Variants in FBN1 observed in about 807,000 individuals in gnomAD.
FBN1 encodes the protein fibrillin-1.
A neutral mutation model predicts 365.1 loss-of-function variants in FBN1; 29 were observed. The ratio of observed to expected loss-of-function variants is 0.08; its 90% CI spans 0.06 to 0.11. FBN1 has a LOEUF of 0.11. Ranked by LOEUF, FBN1 falls within the 10% of genes least tolerant of loss-of-function variation. The pLI is 1.00. For missense variants in FBN1, 2,476 were observed against 3,703.2 expected, an observed-to-expected ratio of 0.67 and a Z score of 8.60; for synonymous variants, 1,210 against 1,270.5, an observed-to-expected ratio of 0.95 and a Z score of 1.01.
At chr15:48,522,237 C>A (rs1240738266) in intron 9 of FBN1, among the ~76,000 whole-genome samples, 1 of 152,050 alleles carries the variant, frequency 6.6e-6, no homozygotes, top group South Asian at 2.1e-4. Context: ...TACTTCATTA[C>A]ATATTACAAT....
rs771873118 is a variant in FBN1 at position 48,411,173 on chromosome 15, C to T, written c.8433G>A (p.Gly2811=). Residue 2811 remains glycine, a synonymous_variant, in exon 66 of 66, where the codon GGG becomes GGA. Coordinates refer to ENST00000316623, the MANE Select transcript of FBN1 (RefSeq NM_000138.5). The part of the protein sequence containing the change: ...DGFFKINQKE[G]ISYLHFTKKK... ...TCTTTGTGAAGTGGAGGTAGCTGAT[C>T]CCTTCCTTTTGGTTGATTTTAAAGA... The T allele has an allele frequency of 1.5e-5, 25 of 1,613,962 alleles. No homozygotes were observed. The highest frequency in any genetic ancestry group is 1.9e-5 in the Non-Finnish European group (23 of 1,180,010).
intron 4 of FBN1, among the ~76,000 whole-genome samples, chr15:48,609,635 C>T (rs1259343041): frequency 6.6e-6 from 1 of 152,228 alleles, no homozygotes; most frequent in Non-Finnish European, 1.5e-5. Context: ...CACTCTCCAT[C>T]TGTTGTTGGT....
chr15:48,436,927 G>A (rs1424750596), intron 53 of FBN1, 34 bp downstream of exon 53: 7 of 1,308,382 alleles, frequency 5.4e-6, no homozygotes, highest in Non-Finnish European at 6.7e-6. Context: ...TTTTTAATTT[G>A]TAAAGTTCCT....
intron 2 of FBN1, among the ~76,000 whole-genome samples, chr15:48,636,181 A>G (rs75267636): frequency 0.076 from 11,516 of 152,174 alleles, 490 homozygotes; most frequent in East Asian, 0.17. Flanking sequence ...ATTCCAGGCT[A>G]AGTTTGAAGA....
rs1028661206 is a variant in FBN1, at chr15:48,464,137, G to C, written c.4943-116C>G. On this transcript the variant is annotated intron_variant, in intron 40 of 65. Transcript: ENST00000316623. ...AAATCTATAGGGTATTTTCAAATAA[G>C]ATAACGAAAATAGGTATTTCATTCA... is the stretch of plus-strand genomic sequence containing the variant. 10 of 993,056 alleles carry C rather than the reference G, an allele frequency of 1.0e-5. No homozygotes were observed. In the Admixed American group the frequency reaches 2.0e-4, roughly 19 times the overall value. The allele number at this position is 993,056 out of a possible 1,614,324, so 61.5% of individuals were successfully genotyped here. A position where few individuals can be genotyped will look rare whatever the true frequency, so the allele number is the denominator to read the frequency against.
In FBN1 at chr15:48,411,104, A is replaced by G. The variant is rs363847; in HGVS notation, c.8502T>C (p.Thr2834=). The part of the protein sequence containing the change: ...AGTYSLQISS[T]PLYKKKELNQ... ...TAAGTTCTTTCTTTTTATAAAGTGGAGTACTACTGATTTGTAATGAATAGG... is the reference window on the plus strand; with the variant it reads ...TAAGTTCTTTCTTTTTATAAAGTGGGGTACTACTGATTTGTAATGAATAGG... The change falls in exon 66 of 66, where the codon ACT becomes ACC. Residue 2834 remains threonine, a synonymous_variant. Coordinates refer to ENST00000316623, the MANE Select transcript of FBN1 (RefSeq NM_000138.5). The G allele has an allele frequency of 2.2e-3, 3,612 of 1,614,062 alleles. 9 individuals are homozygous for G. The highest frequency in any genetic ancestry group is 2.8e-3 in the Non-Finnish European group (3,291 of 1,179,992).
At chr15:48,521,328 T>C (rs1296038682) in intron 9 of FBN1, among the ~76,000 whole-genome samples, 1 of 152,230 alleles carries the variant, frequency 6.6e-6, no homozygotes, top group Non-Finnish European at 1.5e-5. Context: ...TTTGTTGTTG[T>C]TGTTGTTATT....
chr15:48,412,387 C>G (rs2042870533), intron 65 of FBN1, among the ~76,000 whole-genome samples, 182 bp downstream of exon 65: 1 of 152,164 alleles, frequency 6.6e-6, no homozygotes, highest in African/African-American at 2.4e-5. Context: ...TCCCGAAAAG[C>G]AGCAAGAAAC....
rs6145556 is a variant in FBN1 at position 48,456,843 on chromosome 15, C to CGTGCGTGTGTGT, written c.5297-82_5297-81insACACACACGCAC. 382 of 744,718 alleles carry CGTGCGTGTGTGT rather than the reference C, an allele frequency of 5.1e-4. 5 individuals are homozygous for CGTGCGTGTGTGT. In the African/African-American group the frequency reaches 6.5e-3, roughly 13 times the overall value. 46.1% of individuals were successfully genotyped at this position (744,718 alleles called of 1,614,324 possible). A position where few individuals can be genotyped will look rare whatever the true frequency, so the allele number is the denominator to read the frequency against. Reference sequence around the variant, plus strand: ...GGTAAGACAAGATGGAAAGTGCGTGCGTGTGTGTGTGTGTGTGTGTGTGTG... The same window carrying CGTGCGTGTGTGT: ...GGTAAGACAAGATGGAAAGTGCGTGCGTGCGTGTGTGTGTGTGTGTGTGTGTGTGTGTGTGTG... On this transcript the variant is annotated intron_variant, in intron 43 of 65. Coordinates refer to ENST00000316623, the MANE Select transcript of FBN1 (RefSeq NM_000138.5).
At position 48,503,794 on chromosome 15, in the gene FBN1, C is replaced by A. The variant is rs778835898; in HGVS notation, c.2106G>T (p.Gln702His). 12 of 1,613,742 alleles carry A rather than the reference C, an allele frequency of 7.4e-6. No individual in the cohort carries two copies. The highest frequency in any genetic ancestry group is 1.0e-5 in the Non-Finnish European group (12 of 1,179,934). The change falls in exon 17 of 66, where the codon CAG becomes CAT. Residue 702 changes from glutamine to histidine, a missense_variant. By Grantham distance (24) the Gln-to-His change is conservative. Coordinates refer to ENST00000316623, the MANE Select transcript of FBN1 (RefSeq NM_000138.5). ...FGEPCQPCPAQNSAEYQALCS... is the reference protein window; with the variant it reads ...FGEPCQPCPAHNSAEYQALCS... The stretch of plus-strand genomic sequence containing the variant: ...CTCCATGATACCACATACCTGAATT[C>A]TGTGCAGGACACGGCTGGCAAGGTT...
rs750919795 is a variant in FBN1, at chr15:48,596,717, A to G, written c.443-339T>C. ...GCAAAGACTCTTTTGCTTATGATTT[A>G]CGTTTAATTGCAACAGGGCTCCCAT... On this transcript the variant is annotated intron_variant, in intron 5 of 65. Transcript: ENST00000316623. Among the ~76,000 whole-genome samples, 66 of 152,230 alleles carry G rather than the reference A, an allele frequency of 4.3e-4. 1 individual carries two copies. The highest frequency in any genetic ancestry group is 1.5e-4 in the Non-Finnish European group (10 of 68,044).
chr15:48,522,827 A>G (rs973244673), intron 9 of FBN1, among the ~76,000 whole-genome samples: 2 of 152,226 alleles, frequency 1.3e-5, no homozygotes, highest in African/African-American at 2.4e-5. Flanking sequence ...AAAAGTACTT[A>G]AAACCACTAG....
In FBN1 at chr15:48,644,543, C is replaced by T. The variant is rs537577852; in HGVS notation, c.164+63G>A. 21 of 1,607,856 alleles carry T rather than the reference C, an allele frequency of 1.3e-5. No homozygotes were observed. In the Admixed American group the frequency reaches 2.2e-4, roughly 17 times the overall value. On this transcript the variant is annotated intron_variant, in intron 2 of 65. Coordinates refer to ENST00000316623, the MANE Select transcript of FBN1 (RefSeq NM_000138.5). ...GTCTTCCACAGGGAGAGTCATCCTGCCCGTTGTTCTGGATCTTGAAACTTG... is the reference window on the plus strand; with the variant it reads ...GTCTTCCACAGGGAGAGTCATCCTGTCCGTTGTTCTGGATCTTGAAACTTG...
intron 49 of FBN1, among the ~76,000 whole-genome samples, chr15:48,442,725 C>A (rs1456364937): frequency 1.3e-5 from 2 of 152,130 alleles, no homozygotes; most frequent in Non-Finnish European, 2.9e-5. Flanking sequence ...TTGGGTTGGT[C>A]AATAAAACAT....
chr15:48,472,742 T>A (rs2043388011), intron 34 of FBN1, 66 bp from the exon 35 acceptor site: 3 of 1,611,468 alleles, frequency 1.9e-6, no homozygotes, highest in Non-Finnish European at 2.5e-6. Flanking sequence ...CTCAGGTCTA[T>A]CAACTTTCCA....
At chr15:48,441,416 G>A (rs2043114302) in intron 50 of FBN1, among the ~76,000 whole-genome samples, 1 of 152,088 alleles carries the variant, frequency 6.6e-6, no homozygotes, top group African/African-American at 2.4e-5. Flanking sequence ...CTTCCCCCAG[G>A]CTTTGCTGTT....
rs749453734 is a variant in FBN1 at position 48,456,779 on chromosome 15, CATT to C, written c.5297-20_5297-18del. On this transcript the variant is annotated intron_variant, in intron 43 of 65. Transcript: ENST00000316623. Reference sequence around the variant, plus strand: ...CATCAATATCTAGAGACAGAGTAGTCATTCATGAGTGACAGGACAGCACATGAT... The same window carrying C: ...CATCAATATCTAGAGACAGAGTAGTCCATGAGTGACAGGACAGCACATGAT... The C allele has an allele frequency of 6.2e-7, 1 of 1,611,296 alleles. No individual in the cohort carries two copies. The highest frequency in any genetic ancestry group is 1.1e-5 in the South Asian group (1 of 91,022).
chr15:48,474,393 T>A lies in FBN1; in HGVS notation c.4088-16A>T. The A allele has an allele frequency of 6.2e-7, 1 of 1,614,068 alleles. No individual in the cohort carries two copies. The highest frequency in any genetic ancestry group is 8.5e-7 in the Non-Finnish European group (1 of 1,179,962). On this transcript the variant is annotated splice_polypyrimidine_tract_variant and intron_variant, in intron 33 of 65. Transcript: ENST00000316623. ...TCGTCCAGATCTTATAGAAAAAGGT[T>A]ATATCATTATTAACAGAAAGGGTGG...
chr15:48,460,141 T>C, intron 43 of FBN1, 105 bp downstream of exon 43: 1 of 792,892 alleles, frequency 1.3e-6, no homozygotes, highest in Non-Finnish European at 2.2e-6. Flanking sequence ...GTGAAAGGCA[T>C]TGTTTAATAT....
Sources: gnomAD v4.1 joint callset for allele counts (sites outside exome capture counted in the v4.1 genomes callset) on GRCh38, gnomAD v4.1.1 for gene constraint, MANE v1.5 for transcripts, NCBI Gene and HGNC (gene_info 2026-07-23, HGNC 2026-07-21) for gene names.